The following VOPP1 variants were observed in gnomAD, a reference collection of about 807,000 sequenced individuals.
The protein encoded by VOPP1 is WW domain binding protein VOPP1.
In VOPP1, 8 loss-of-function variants were observed where a neutral mutation model predicts 23.5. The ratio of observed to expected loss-of-function variants is 0.34; its 90% CI spans 0.20 to 0.61. The LOEUF (loss-of-function observed/expected upper bound fraction) is 0.61, where lower values mean the gene tolerates loss of function less well. VOPP1 is among the 20% of genes least tolerant of loss of function. The probability of loss-of-function intolerance (pLI) is 0.78; values close to 1 mark genes in which losing one functional copy is unlikely to be tolerated. For missense variants in VOPP1, 174 were observed against 238.1 expected, an observed-to-expected ratio of 0.73 and a Z score of 1.77; for synonymous variants, 83 against 97.3, an observed-to-expected ratio of 0.85 and a Z score of 0.86.
At chr7:55,539,899 GCACACACA>G (rs60831624) in intron 1 of VOPP1, among the ~76,000 whole-genome samples, 3,337 of 139,308 alleles carry the variant, frequency 0.024, 66 homozygotes, top group African/African-American at 0.052. Context: ...CATAAGCGCT[GCACACACA>G]CACACACACA....
At chr7:55,540,519 C>T (rs887577949) in intron 1 of VOPP1, among the ~76,000 whole-genome samples, 3 of 152,214 alleles carry the variant, frequency 2.0e-5, no homozygotes, top group Non-Finnish European at 4.4e-5. Context: ...CATGTGCCCT[C>T]AGGGAGGCTG....
intron 4 of VOPP1, among the ~76,000 whole-genome samples, chr7:55,438,813 G>A (rs917117254): frequency 4.6e-5 from 7 of 152,190 alleles, no homozygotes; most frequent in Non-Finnish European, 7.3e-5. Flanking sequence ...CCCAGGCAGC[G>A]GGTCTGGGAG....
At chr7:55,544,479 G>A (rs950780807) in intron 1 of VOPP1, among the ~76,000 whole-genome samples, 2 of 152,084 alleles carry the variant, frequency 1.3e-5, no homozygotes, top group Non-Finnish European at 2.9e-5. Flanking sequence ...GGTGTCCATC[G>A]GATGAAAAAA....
At chr7:55,558,357 C>A (rs1342403969) in intron 1 of VOPP1, among the ~76,000 whole-genome samples, 1 of 151,644 alleles carries the variant, frequency 6.6e-6, no homozygotes, top group Non-Finnish European at 1.5e-5. Flanking sequence ...TGTTGTATGT[C>A]AAAAAAAATT....
intron 1 of VOPP1, among the ~76,000 whole-genome samples, chr7:55,564,888 G>C (rs1798114849): frequency 6.6e-6 from 1 of 152,166 alleles, no homozygotes; most frequent in African/African-American, 2.4e-5. Flanking sequence ...AACTCCGAAG[G>C]AGTTGAGATT....
chr7:55,570,054 T>C (rs534541309), intron 1 of VOPP1, among the ~76,000 whole-genome samples: 6 of 152,154 alleles, frequency 3.9e-5, no homozygotes, highest in African/African-American at 1.4e-4. Context: ...AGCCACCAAA[T>C]AGCTCCCTGG....
At chr7:55,518,409 T>G (rs1795612612) in intron 2 of VOPP1, among the ~76,000 whole-genome samples, 1 of 152,186 alleles carries the variant, frequency 6.6e-6, no homozygotes, top group South Asian at 2.1e-4. Context: ...AAACATCAGG[T>G]GCTACACACT....
chr7:55,468,049 G>A (rs545749854), downstream of VOPP1, among the ~76,000 whole-genome samples: 3 of 152,244 alleles, frequency 2.0e-5, no homozygotes, highest in Non-Finnish European at 2.9e-5. Flanking sequence ...CGAGGCGGGC[G>A]GATCACGAGG....
At chr7:55,455,660 C>T (rs1267652165) in intron 4 of VOPP1, among the ~76,000 whole-genome samples, 1 of 152,182 alleles carries the variant, frequency 6.6e-6, no homozygotes, top group Admixed American at 6.5e-5. Flanking sequence ...ACATCTACAA[C>T]CATCTGATCT....
intron 1 of VOPP1, among the ~76,000 whole-genome samples, chr7:55,530,101 C>T (rs1179820942): frequency 6.6e-6 from 1 of 152,100 alleles, no homozygotes; most frequent in East Asian, 1.9e-4. Flanking sequence ...GTACATTCCA[C>T]TCCAAGACCT....
intron 2 of VOPP1, among the ~76,000 whole-genome samples, chr7:55,518,331 T>C (rs1037134026): frequency 6.6e-6 from 1 of 152,226 alleles, no homozygotes; most frequent in African/African-American, 2.4e-5. Flanking sequence ...TTCTGTTCTT[T>C]GAATTTCACC....
At chr7:55,550,770 A>G (rs1030919874) in intron 1 of VOPP1, among the ~76,000 whole-genome samples, 1 of 152,236 alleles carries the variant, frequency 6.6e-6, no homozygotes, top group Non-Finnish European at 1.5e-5. Flanking sequence ...GTTAACGACC[A>G]GTGTATGAAA....
intron 1 of VOPP1, among the ~76,000 whole-genome samples, chr7:55,545,078 T>A (rs183704025): frequency 8.7e-4 from 133 of 152,308 alleles, no homozygotes; most frequent in African/African-American, 3.1e-3. Flanking sequence ...AAGAACCAGC[T>A]AAATAAGAGT....
At chr7:55,509,564 TG>T (rs1284798730) in intron 2 of VOPP1, among the ~76,000 whole-genome samples, 3 of 152,230 alleles carry the variant, frequency 2.0e-5, no homozygotes, top group Non-Finnish European at 4.4e-5. Flanking sequence ...ATAGGAATTT[TG>T]TAAGGACACA....
chr7:55,468,239 C>T (rs1386557661), downstream of VOPP1, among the ~76,000 whole-genome samples: 1 of 149,584 alleles, frequency 6.7e-6, no homozygotes, highest in Non-Finnish European at 1.5e-5. Context: ...CCACTGCACT[C>T]CAGCCTGGCG....
At position 55,545,488 on chromosome 7, in the gene VOPP1, G is replaced by A. The variant is rs1797327531; in HGVS notation, c.55-24358C>T. ...GGCACTCAGAGGCGCAGCCAGGAGG[G>A]AAGAAGCCTGCTCTCCCCATCCTCT... On this transcript the variant is annotated intron_variant, in intron 1 of 4. Transcript: ENST00000285279. 2.0e-5 allele frequency among the ~76,000 whole-genome samples: 3 copies of A among 152,318 alleles called. No individual in the cohort carries two copies. The South Asian group carries it at 6.2e-4, about 32-fold the overall frequency.
chr7:55,515,862 T>C, intron 2 of VOPP1: 1 of 647,386 alleles, frequency 1.5e-6, no homozygotes, highest in South Asian at 6.9e-5. Context: ...TCGGCAGCAC[T>C]TTCTGGACTG....
Position 55,459,988 on chromosome 7 carries a change from A to G in VOPP1, n.418-23814T>C, listed in dbSNP as rs1791457349. ...TATTTAAAATATTTCTGCTTTTGTG[A>G]TATAGGCATTTAGTGCTATATACTT... is the stretch of plus-strand genomic sequence containing the variant. On this transcript the variant is annotated intron_variant and non_coding_transcript_variant, in intron 4 of 4. Coordinates refer to the VOPP1 transcript ENST00000462326. 5.3e-5 allele frequency among the ~76,000 whole-genome samples: 8 copies of G among 151,882 alleles called. No individual in the cohort carries two copies. In the South Asian group the frequency reaches 1.7e-3, roughly 31 times the overall value.
At chr7:55,552,019 TCCAAAAAAAAAAAAA>T (rs1449223762) in intron 1 of VOPP1, among the ~76,000 whole-genome samples, 1 of 86,146 alleles carries the variant, frequency 1.2e-5, no homozygotes, top group Non-Finnish European at 2.0e-5. Flanking sequence ...TGAGACTGTG[TCCAAAAAAAAAAAAA>T]AAAAAAAAAA....
Sources: allele counts gnomAD v4.1 joint callset (sites outside exome capture counted in the v4.1 genomes callset), GRCh38; gene constraint gnomAD v4.1.1; transcripts MANE v1.5; gene names NCBI Gene and HGNC (gene_info 2026-07-23, HGNC 2026-07-21).